ID3: variants seen among roughly 807,000 people sequenced by gnomAD.
ID3 encodes DNA-binding protein inhibitor ID-3.
ID3 carries 4 observed loss-of-function variants against 9.6 expected under a neutral mutation model. The ratio of observed to expected loss-of-function variants is 0.42; its 90% CI spans 0.21 to 0.96. The LOEUF (loss-of-function observed/expected upper bound fraction) is 0.96, where lower values mean the gene tolerates loss of function less well. Among genes scored for constraint, ID3 ranks in the 40% least tolerant of loss-of-function variants. The pLI is 0.30. For synonymous variants in ID3, 108 were observed against 75.2 expected (o/e 1.44, Z -2.26); for missense variants, 191 against 164.5 (o/e 1.16, Z -0.88).
At chr1:23,558,851 CGAGT>C (rs1469138740) in intron 2 of ID3, 80 bp downstream of exon 2, 11 of 871,836 alleles carry the variant, frequency 1.3e-5, no homozygotes, top group Admixed American at 2.1e-5. Flanking sequence ...TTCCCTAAAC[CGAGT>C]GAGTGGCAAT....
Position 23,558,718 on chromosome 1 carries a change from G to A in ID3, c.*25+217C>T, listed in dbSNP as rs572380785. ...CCCATGTCTACTTTGCCAGACCCTC[G>A]GCCACTGCGGGAGGGCAGGGCCCAG... is the stretch of plus-strand genomic sequence containing the variant. On this transcript the variant is annotated intron_variant, in intron 2 of 2. Coordinates refer to ENST00000374561, the MANE Select transcript of ID3 (RefSeq NM_002167.5). 7.2e-5 allele frequency: 40 copies of A among 556,046 alleles called. No individual in the cohort carries two copies. In the South Asian group the frequency reaches 7.8e-4, roughly 11 times the overall value. 34.4% of individuals were successfully genotyped at this position (556,046 alleles called of 1,614,324 possible). A position where few individuals can be genotyped will look rare whatever the true frequency, so the allele number is the denominator to read the frequency against.
Position 23,559,501 on chromosome 1 carries a change from C to T in ID3, c.-75G>A, listed in dbSNP as rs914835065. 123 of 1,472,088 alleles carry T rather than the reference C, an allele frequency of 8.4e-5. No individual in the cohort carries two copies. The African/African-American group carries it at 1.0e-3, about 12-fold the overall frequency. 91.2% of individuals were successfully genotyped at this position (1,472,088 alleles called of 1,614,324 possible). Reference sequence around the variant, plus strand: ...AGTCCCGCTACAGTGACCTGCAACGCGCGCACGCTCGCCGCGGCGGTCACT... The same window carrying T: ...AGTCCCGCTACAGTGACCTGCAACGTGCGCACGCTCGCCGCGGCGGTCACT... On this transcript the variant is annotated 5_prime_UTR_variant, in exon 1 of 3. Coordinates refer to ENST00000374561, the MANE Select transcript of ID3 (RefSeq NM_002167.5).
At position 23,558,267 on chromosome 1, in the gene ID3, C is replaced by G. The variant is rs1273887148; in HGVS notation, c.*174G>C. 1 of 152,604 alleles carries G rather than the reference C, an allele frequency of 6.6e-6. No individual in the cohort carries two copies. The allele number at this position is 152,604 out of a possible 1,614,324, so 9.5% of individuals were successfully genotyped here. On this transcript the variant is annotated 3_prime_UTR_variant, in exon 3 of 3. Transcript: ENST00000374561. Reference sequence around the variant, plus strand: ...CTCTTCAGGCCACAAGTTCACAGTCCTTCGCTCCTGAGCACCAGGTTTAGT... The same window carrying G: ...CTCTTCAGGCCACAAGTTCACAGTCGTTCGCTCCTGAGCACCAGGTTTAGT...
chr1:23,559,402 C>A lies in ID3; in HGVS notation c.25G>T (p.Gly9Cys), dbSNP rs528654688. The change falls in exon 1 of 3, where the codon GGC becomes TGC. Residue 9 changes from glycine (G) to cysteine (C), a missense_variant. Coordinates refer to ENST00000374561, the MANE Select transcript of ID3 (RefSeq NM_002167.5). ...AGGCAGCACACCGCCTCGTAGCAGC[C>A]GCGCACCGGGCTCAGCGCCTTCATG... is the stretch of plus-strand genomic sequence containing the variant. MKALSPVR[G>C]CYEAVCCLSE... The A allele has an allele frequency of 2.5e-6, 4 of 1,612,414 alleles. No homozygotes were observed. Among genetic ancestry groups the A allele is most frequent in the Non-Finnish European group, 2.5e-6 (3 of 1,179,536 alleles).
chr1:23,559,032 A>G lies in ID3; in HGVS notation c.301-13T>C. 1.2e-6 allele frequency: 2 copies of G among 1,614,036 alleles called. No homozygotes were observed. The highest frequency in any genetic ancestry group is 8.5e-7 in the Non-Finnish European group (1 of 1,179,892). On this transcript the variant is annotated splice_polypyrimidine_tract_variant and intron_variant, in intron 1 of 2. Transcript: ENST00000374561. ...TGAGCTCGGCTGTCTGATTAGAGGAAAAGAGGGAAGAGTTACGCGAGGCAA... is the reference window on the plus strand; with the variant it reads ...TGAGCTCGGCTGTCTGATTAGAGGAGAAGAGGGAAGAGTTACGCGAGGCAA...
chr1:23,559,120 GGCT>G lies in ID3; in HGVS notation c.300+4_300+6del. The G allele has an allele frequency of 3.1e-6, 5 of 1,613,700 alleles. No homozygotes were observed. The highest frequency in any genetic ancestry group is 4.2e-6 in the Non-Finnish European group (5 of 1,179,622). ...GTGTTCAGCCCTGTCCCGACTTCGA[GGCT>G]TACCTGGATGGGAAGGTGGGGGCCA... On this transcript the variant is annotated splice_donor_5th_base_variant and intron_variant, in intron 1 of 2. Coordinates refer to ENST00000374561, the MANE Select transcript of ID3 (RefSeq NM_002167.5).
rs11574 is a variant in ID3 at position 23,559,007 on chromosome 1, T to C, written c.313A>G (p.Thr105Ala). ...TCGTTGGAGATGACAAGTTCCGGAGTGAGCTCGGCTGTCTGATTAGAGGAA... is the reference window on the plus strand; with the variant it reads ...TCGTTGGAGATGACAAGTTCCGGAGCGAGCTCGGCTGTCTGATTAGAGGAA... ...PHLPIQTAEL[T>A]PELVISNDKR... The change falls in exon 2 of 3, where the codon ACT becomes GCT. Residue 105 changes from threonine (T) to alanine (A), a missense_variant. Transcript: ENST00000374561. The C allele has an allele frequency of 0.78, 1,251,987 of 1,613,428 alleles. 490,712 individuals are homozygous for C. Among genetic ancestry groups the C allele is most frequent in the East Asian group, 0.98 (43,881 of 44,858 alleles).
At position 23,559,212 on chromosome 1, in the gene ID3, C is replaced by A. The variant is rs759930189; in HGVS notation, c.215G>T (p.Arg72Leu). ...CAGGTCGAGAATGTAGTCGATGACG[C>A]GCTGTAGGATTTCCACCTGGCTAAG... Reference protein sequence around the residue: ...TQLSQVEILQRVIDYILDLQV... With the variant: ...TQLSQVEILQLVIDYILDLQV... The change falls in exon 1 of 3, where the codon CGC becomes CTC. Residue 72 changes from arginine to leucine, a missense_variant. By Grantham distance (102) the Arg-to-Leu change is moderately radical. Transcript: ENST00000374561. 1 of 1,614,198 alleles carries A rather than the reference C, an allele frequency of 6.2e-7. No individual in the cohort carries two copies. Among genetic ancestry groups the A allele is most frequent in the Non-Finnish European group, 8.5e-7 (1 of 1,180,036 alleles).
In ID3 at chr1:23,559,228, C is replaced by T. The variant is rs777718207; in HGVS notation, c.199G>A (p.Val67Met). The change falls in exon 1 of 3, where the codon GTG becomes ATG. Residue 67 changes from valine (V) to methionine (M), a missense_variant. Val to Met is a conservative substitution (Grantham distance 21). Coordinates refer to ENST00000374561, the MANE Select transcript of ID3 (RefSeq NM_002167.5). The part of the protein sequence containing the change: ...GVPRGTQLSQ[V>M]EILQRVIDYI... ...TCGATGACGCGCTGTAGGATTTCCA[C>T]CTGGCTAAGCTGAGTGCCTCTCGGG... 6 of 1,614,118 alleles carry T rather than the reference C, an allele frequency of 3.7e-6. No individual in the cohort carries two copies. The African/African-American group carries it at 6.7e-5, about 18-fold the overall frequency.
At position 23,559,498 on chromosome 1, in the gene ID3, ACG is replaced by A. The variant is rs1438372974; in HGVS notation, c.-74_-73del. 1 of 1,486,664 alleles carries A rather than the reference ACG, an allele frequency of 6.7e-7. No individual in the cohort carries two copies. Among genetic ancestry groups the A allele is most frequent in the African/African-American group, 1.4e-5 (1 of 71,324 alleles). 92.1% of individuals were successfully genotyped at this position (1,486,664 alleles called of 1,614,324 possible). ...AGAAGTCCCGCTACAGTGACCTGCA[ACG>A]CGCGCACGCTCGCCGCGGCGGTCAC... On this transcript the variant is annotated 5_prime_UTR_variant, in exon 1 of 3. Coordinates refer to ENST00000374561, the MANE Select transcript of ID3 (RefSeq NM_002167.5).
chr1:23,558,524 C>T (rs1643676735), intron 2 of ID3, 109 bp from the exon 3 acceptor site: 5 of 167,498 alleles, frequency 3.0e-5, no homozygotes, highest in African/African-American at 9.6e-5. Flanking sequence ...TTGGTCTGTA[C>T]CTCCAGCTGA....
intron 2 of ID3, 63 bp downstream of exon 2, chr1:23,558,872 A>C: frequency 8.5e-7 from 1 of 1,171,166 alleles, no homozygotes; most frequent in Non-Finnish European, 1.2e-6. Flanking sequence ...CAATTTTTCA[A>C]AACGTCTGCC....
rs963456126 is a variant in ID3 at position 23,557,954 on chromosome 1, T to G, written c.*487A>C. On this transcript the variant is annotated 3_prime_UTR_variant, in exon 3 of 3. Transcript: ENST00000374561. ...ACAAGTGTTTAAAAATCGTTTATTA[T>G]GCAAAATGTTAACTTTTATAAAAAG... is the stretch of plus-strand genomic sequence containing the variant. 6.6e-6 allele frequency: 1 copy of G among 152,664 alleles called. No individual in the cohort carries two copies. Among genetic ancestry groups the G allele is most frequent in the African/African-American group, 2.4e-5 (1 of 41,456 alleles). The allele number at this position is 152,664 out of a possible 1,614,324, so 9.5% of individuals were successfully genotyped here. A position where few individuals can be genotyped will look rare whatever the true frequency, so the allele number is the denominator to read the frequency against.
At position 23,558,542 on chromosome 1, in the gene ID3, G is replaced by A. The variant is rs184194605; in HGVS notation, c.*26-127C>T. 101 of 173,436 alleles carry A rather than the reference G, an allele frequency of 5.8e-4. 1 individual carries two copies. The highest frequency in any genetic ancestry group is 2.2e-3 in the African/African-American group (93 of 41,822). The allele number at this position is 173,436 out of a possible 1,614,324, so 10.7% of individuals were successfully genotyped here. ...GTCTGTACCTCCAGCTGATAACTCC[G>A]CGCCCCACGCTGCCCCCACCCAGTT... On this transcript the variant is annotated intron_variant, in intron 2 of 2. Coordinates refer to ENST00000374561, the MANE Select transcript of ID3 (RefSeq NM_002167.5).
At chr1:23,559,087 T>C (rs371310676) in intron 1 of ID3, 40 bp downstream of exon 1, 3 of 1,612,892 alleles carry the variant, frequency 1.9e-6, no homozygotes, top group Non-Finnish European at 2.5e-6. Context: ...CGCAGCATCC[T>C]TGCCTGGGTG....
Position 23,559,118 on chromosome 1 carries a change from G to T in ID3, c.300+9C>A. On this transcript the variant is annotated intron_variant, in intron 1 of 2. Coordinates refer to ENST00000374561, the MANE Select transcript of ID3 (RefSeq NM_002167.5). ...GGGTGTTCAGCCCTGTCCCGACTTC[G>T]AGGCTTACCTGGATGGGAAGGTGGG... 6.2e-7 allele frequency: 1 copy of T among 1,613,460 alleles called. No individual in the cohort carries two copies. The highest frequency in any genetic ancestry group is 8.5e-7 in the Non-Finnish European group (1 of 1,179,436).
At position 23,559,032 on chromosome 1, in the gene ID3, A is replaced by C; in HGVS notation, c.301-13T>G. 6.2e-7 allele frequency: 1 copy of C among 1,614,036 alleles called. No homozygotes were observed. Among genetic ancestry groups the C allele is most frequent in the Non-Finnish European group, 8.5e-7 (1 of 1,179,892 alleles). On this transcript the variant is annotated splice_polypyrimidine_tract_variant and intron_variant, in intron 1 of 2. Transcript: ENST00000374561. ...TGAGCTCGGCTGTCTGATTAGAGGA[A>C]AAGAGGGAAGAGTTACGCGAGGCAA...
chr1:23,559,487 A>G lies in ID3; in HGVS notation c.-61T>C, dbSNP rs1025747787. The G allele has an allele frequency of 8.4e-6, 13 of 1,540,550 alleles. No individual in the cohort carries two copies. Among genetic ancestry groups the G allele is most frequent in the African/African-American group, 1.4e-5 (1 of 72,994 alleles). On this transcript the variant is annotated 5_prime_UTR_variant, in exon 1 of 3. Transcript: ENST00000374561. ...AGAAAACCAAAAGAAGTCCCGCTACAGTGACCTGCAACGCGCGCACGCTCG... is the reference window on the plus strand; with the variant it reads ...AGAAAACCAAAAGAAGTCCCGCTACGGTGACCTGCAACGCGCGCACGCTCG...
rs751470133 is a variant in ID3, at chr1:23,559,324, C to CA, written c.102dup (p.Glu35Ter). Reference sequence around the variant, plus strand: ...TCGTCCAGCAAGCTCAGCGGCTCCTCAGCTGCCGGGCCCTTCCCTCGGCCC... The same window carrying CA: ...TCGTCCAGCAAGCTCAGCGGCTCCTCAAGCTGCCGGGCCCTTCCCTCGGCCC... On this transcript the variant is annotated frameshift_variant, in exon 1 of 3. Transcript: ENST00000374561. LOFTEE classifies it high-confidence loss of function. The CA allele has an allele frequency of 6.2e-7, 1 of 1,613,664 alleles. No homozygotes were observed. Among genetic ancestry groups the CA allele is most frequent in the Non-Finnish European group, 8.5e-7 (1 of 1,180,026 alleles).
Sources: gnomAD v4.1 joint callset for allele counts on GRCh38, gnomAD v4.1.1 for gene constraint, MANE v1.5 for transcripts, NCBI Gene and HGNC (gene_info 2026-07-23, HGNC 2026-07-21) for gene names.